Variants in SEMA5B observed in about 807,000 individuals in gnomAD.
The protein encoded by SEMA5B is semaphorin-5B.
A neutral mutation model predicts 135.0 loss-of-function variants in SEMA5B; 66 were observed. That is an observed-to-expected ratio of 0.49 (90% CI 0.40 to 0.60). The LOEUF (loss-of-function observed/expected upper bound fraction) is 0.60. Among genes scored for constraint, SEMA5B ranks in the 20% least tolerant of loss-of-function variants. The pLI, the probability that SEMA5B is intolerant of heterozygous loss-of-function variation, is 0.00. For missense variants in SEMA5B, 1,501 were observed against 1,566.3 expected (o/e 0.96, Z 0.70); for synonymous variants, 690 against 639.5 (o/e 1.08, Z -1.19).
chr3:122,972,087 A>C (rs1941145912), intron 1 of SEMA5B, among the ~76,000 whole-genome samples: 1 of 152,168 alleles, frequency 6.6e-6, no homozygotes, highest in Non-Finnish European at 1.5e-5. Context: ...AGTTTTGAGG[A>C]GTCCCTCACT....
intron 2 of SEMA5B, among the ~76,000 whole-genome samples, chr3:122,950,068 C>T (rs1397893843): frequency 1.3e-5 from 2 of 152,092 alleles, no homozygotes; most frequent in Non-Finnish European, 2.9e-5. Context: ...ATGAATTCAT[C>T]GGGTGATTAT....
At chr3:122,932,680 C>T (rs1288403519) in intron 5 of SEMA5B, among the ~76,000 whole-genome samples, 1 of 152,126 alleles carries the variant, frequency 6.6e-6, no homozygotes, top group Non-Finnish European at 1.5e-5. Context: ...CAGTGGTGGG[C>T]TCTGGCATTA....
intron 1 of SEMA5B, among the ~76,000 whole-genome samples, chr3:122,982,520 C>T (rs140632355): frequency 6.5e-4 from 99 of 152,310 alleles, no homozygotes; most frequent in African/African-American, 2.4e-3. Flanking sequence ...CCACCGCTCC[C>T]GCCCATTACG....
In SEMA5B at chr3:123,027,697, C is replaced by T. The variant is rs954161937; in HGVS notation, c.-272G>A. On this transcript the variant is annotated 5_prime_UTR_variant, in exon 1 of 23. Transcript: ENST00000357599. ...TGCCGACCCGCCCGGCTCGGCGGAG[C>T]TGGGCTCTGGCACCAACCCCCGCGC... 5 of 152,248 alleles carry T rather than the reference C, an allele frequency of 3.3e-5. No individual in the cohort carries two copies. The highest frequency in any genetic ancestry group is 9.7e-5 in the African/African-American group (4 of 41,440). 9.4% of individuals were successfully genotyped at this position (152,248 alleles called of 1,614,324 possible).
In SEMA5B at chr3:122,926,430, C is replaced by T. The variant is rs2276777; in HGVS notation, c.1098G>A (p.Pro366=). The change falls in exon 9 of 23, where the codon CCG becomes CCA. Residue 366 remains proline, a synonymous_variant. Coordinates refer to ENST00000357599, the MANE Select transcript of SEMA5B (RefSeq NM_001031702.4). Reference sequence around the variant, plus strand: ...AAACTCCATAGATGAGGTCCTGCTCCGGCAAGTGGAAGGCACTCTGCAGCT... The same window carrying T: ...AAACTCCATAGATGAGGTCCTGCTCTGGCAAGTGGAAGGCACTCTGCAGCT... ...YNELQSAFHL[P]EQDLIYGVFT... is the part of the protein sequence containing the mutation. 118,491 of 1,613,750 alleles carry T rather than the reference C, an allele frequency of 0.073. 4,754 individuals are homozygous for T. Among genetic ancestry groups the T allele is most frequent in the South Asian group, 0.12 (10,816 of 91,040 alleles).
At position 122,922,128 on chromosome 3, in the gene SEMA5B, G is replaced by A. The variant is rs1323291965; in HGVS notation, c.1481-6C>T. On this transcript the variant is annotated splice_polypyrimidine_tract_variant and splice_region_variant and intron_variant, in intron 11 of 22. Coordinates refer to ENST00000357599, the MANE Select transcript of SEMA5B (RefSeq NM_001031702.4). ...CTTCAGGATGGTGCCCGACTCTGGA[G>A]GAGAGGGGGAGCCAGACCAAGGTGG... The A allele has an allele frequency of 2.6e-6, 4 of 1,521,090 alleles. No individual in the cohort carries two copies. In the South Asian group the frequency reaches 5.1e-5, roughly 20 times the overall value. The allele number at this position is 1,521,090 out of a possible 1,614,324, so 94.2% of individuals were successfully genotyped here. A position where few individuals can be genotyped will look rare whatever the true frequency, so the allele number is the denominator to read the frequency against.
intron 1 of SEMA5B, among the ~76,000 whole-genome samples, chr3:123,014,717 T>A (rs754514809): frequency 1.1e-4 from 17 of 152,288 alleles, no homozygotes; most frequent in Non-Finnish European, 2.1e-4. Context: ...ATCCGAAATA[T>A]CTTCATCAGC....
intron 9 of SEMA5B, among the ~76,000 whole-genome samples, chr3:122,925,277 G>T (rs992344039): frequency 4.6e-5 from 7 of 151,982 alleles, no homozygotes; most frequent in African/African-American, 1.7e-4. Flanking sequence ...ATATCAGGGT[G>T]TCCAATCTTT....
Position 122,929,093 on chromosome 3 carries a change from A to G in SEMA5B, c.475-35T>C, listed in dbSNP as rs777272246. On this transcript the variant is annotated intron_variant, in intron 5 of 22. Transcript: ENST00000357599. ...GAACATAGGAGCACACAGACATCACATGGCTGTGTCATTTACTGCCACTCA... is the reference window on the plus strand; with the variant it reads ...GAACATAGGAGCACACAGACATCACGTGGCTGTGTCATTTACTGCCACTCA... 4.4e-6 allele frequency: 7 copies of G among 1,594,386 alleles called. No individual in the cohort carries two copies. The East Asian group carries it at 1.1e-4, about 25-fold the overall frequency.
intron 1 of SEMA5B, among the ~76,000 whole-genome samples, chr3:123,012,575 G>T (rs963689936): frequency 6.6e-6 from 1 of 152,238 alleles, no homozygotes; most frequent in Non-Finnish European, 1.5e-5. Flanking sequence ...CAGACAGTTA[G>T]CCCAGTGTGA....
intron 1 of SEMA5B, among the ~76,000 whole-genome samples, chr3:122,972,603 A>C (rs1277844926): frequency 6.6e-6 from 1 of 152,216 alleles, no homozygotes; most frequent in Non-Finnish European, 1.5e-5. Flanking sequence ...CCACAGATGT[A>C]ACTGGGCCAG....
chr3:122,915,500 C>T lies in SEMA5B; in HGVS notation c.1928G>A (p.Arg643Gln), dbSNP rs1390718925. 32 of 1,613,756 alleles carry T rather than the reference C, an allele frequency of 2.0e-5. No individual in the cohort carries two copies. Among genetic ancestry groups the T allele is most frequent in the African/African-American group, 4.0e-5 (3 of 74,882 alleles). ...LCRARSCDSP[R>Q]PRCGGLDCLG... is the part of the protein sequence containing the mutation. ...GCAGTCAAGGCCCCCACAGCGGGGTCGAGGGGAATCACAGGATCGAGCTCG... is the reference window on the plus strand; with the variant it reads ...GCAGTCAAGGCCCCCACAGCGGGGTTGAGGGGAATCACAGGATCGAGCTCG... Residue 643 changes from arginine to glutamine, a missense_variant, in exon 14 of 23, where the codon CGA (arginine) becomes CAA (glutamine). By Grantham distance (43) the Arg-to-Gln change is conservative. Coordinates refer to ENST00000357599, the MANE Select transcript of SEMA5B (RefSeq NM_001031702.4).
intron 3 of SEMA5B, among the ~76,000 whole-genome samples, chr3:122,947,030 C>G (rs928096315): frequency 6.6e-6 from 1 of 152,072 alleles, no homozygotes; most frequent in African/African-American, 2.4e-5. Flanking sequence ...AGCTCTCCTT[C>G]CATGTCCCTG....
chr3:122,949,128 A>G (rs1470951372), intron 2 of SEMA5B, among the ~76,000 whole-genome samples: 1 of 152,240 alleles, frequency 6.6e-6, no homozygotes, highest in Non-Finnish European at 1.5e-5. Context: ...AAGGATAACA[A>G]TCATAAAAAT....
chr3:122,960,799 G>C (rs150457272), intron 2 of SEMA5B, among the ~76,000 whole-genome samples: 1,889 of 152,280 alleles, frequency 0.012, 122 homozygotes, highest in Admixed American at 0.11. Flanking sequence ...AAAGTAGAAT[G>C]GTGCTTGCCT....
rs1195599590 is a variant in SEMA5B at position 122,936,294 on chromosome 3, C to T, written c.474+3131G>A. On this transcript the variant is annotated intron_variant, in intron 5 of 22. Transcript: ENST00000357599. ...CTCCATGAAAACTCAGCAACTCCCA[C>T]GGACACTTGGGGGCCAGGGACAATG... Among the ~76,000 whole-genome samples, 7 of 152,328 alleles carry T rather than the reference C, an allele frequency of 4.6e-5. No individual in the cohort carries two copies. In the South Asian group the frequency reaches 1.0e-3, roughly 23 times the overall value.
At chr3:122,957,479 A>G (rs570579039) in intron 2 of SEMA5B, among the ~76,000 whole-genome samples, 13 of 152,364 alleles carry the variant, frequency 8.5e-5, no homozygotes, top group African/African-American at 2.6e-4. Flanking sequence ...ACTGCGGCCG[A>G]CAAGGAGGTC....
chr3:123,023,868 G>A (rs1309030209), intron 1 of SEMA5B, among the ~76,000 whole-genome samples: 1 of 152,200 alleles, frequency 6.6e-6, no homozygotes, highest in Non-Finnish European at 1.5e-5. Context: ...CTGGCACATA[G>A]TAGGTGAGTG....
intron 9 of SEMA5B, among the ~76,000 whole-genome samples, chr3:122,925,016 A>G (rs1056652702): frequency 6.6e-6 from 1 of 152,200 alleles, no homozygotes; most frequent in African/African-American, 2.4e-5. Flanking sequence ...AAGGCATGCA[A>G]TCAATACACT....
Sources: allele counts gnomAD v4.1 joint callset (sites outside exome capture counted in the v4.1 genomes callset), GRCh38; gene constraint gnomAD v4.1.1; transcripts MANE v1.5; gene names NCBI Gene and HGNC (gene_info 2026-07-23, HGNC 2026-07-21).